Variants in SLC24A2 observed in about 807,000 individuals in gnomAD.
SLC24A2 encodes sodium/potassium/calcium exchanger 2.
SLC24A2 carries 36 observed loss-of-function variants against 62.0 expected under a neutral mutation model. That is an observed-to-expected ratio of 0.58 (90% confidence interval 0.44 to 0.77). The LOEUF (loss-of-function observed/expected upper bound fraction) is 0.77. Ranked by LOEUF, SLC24A2 falls within the 30% of genes least tolerant of loss-of-function variation. SLC24A2 has a pLI of 0.00. For synonymous variants in SLC24A2, 358 were observed against 294.0 expected, an observed-to-expected ratio of 1.22 and a Z score of -2.23; for missense variants, 846 against 817.9, an observed-to-expected ratio of 1.03 and a Z score of -0.42.
chr9:20,192,619 G>C, the SLC24A2 span, among the ~76,000 whole-genome samples: 1 of 152,114 alleles, frequency 6.6e-6, no homozygotes, highest in Non-Finnish European at 1.5e-5. Flanking sequence ...GTTCAACTGG[G>C]ATTAAGAACT....
chr9:19,763,968 T>TG (rs1193550511), intron 2 of SLC24A2, among the ~76,000 whole-genome samples: 2 of 152,210 alleles, frequency 1.3e-5, no homozygotes, highest in Non-Finnish European at 2.9e-5. Context: ...GGCAGGCTAT[T>TG]AATTATTGCC....
intron 2 of SLC24A2, among the ~76,000 whole-genome samples, chr9:19,745,254 C>A (rs1395624634): frequency 6.6e-6 from 1 of 152,152 alleles, no homozygotes; most frequent in Admixed American, 6.6e-5. Flanking sequence ...TGCCATACTT[C>A]TTGTACAGCT....
At chr9:19,796,924 T>A in the SLC24A2 span, among the ~76,000 whole-genome samples, 1 of 152,144 alleles carries the variant, frequency 6.6e-6, no homozygotes, top group Non-Finnish European at 1.5e-5. Context: ...ATTTAAAAAA[T>A]TTTTCTTCTC....
chr9:20,088,856 G>T, the SLC24A2 span, among the ~76,000 whole-genome samples: 3 of 152,194 alleles, frequency 2.0e-5, no homozygotes, highest in African/African-American at 7.2e-5. Context: ...AGAGGGAGAG[G>T]CAGGCTACCA....
chr9:19,741,193 C>T (rs1434540626), intron 2 of SLC24A2, among the ~76,000 whole-genome samples: 1 of 152,096 alleles, frequency 6.6e-6, no homozygotes, highest in Non-Finnish European at 1.5e-5. Flanking sequence ...GACTCCAAAC[C>T]CACTCTTGTA....
At chr9:19,580,266 C>G (rs1044873823) in intron 5 of SLC24A2, among the ~76,000 whole-genome samples, 11 of 152,216 alleles carry the variant, frequency 7.2e-5, no homozygotes, top group African/African-American at 2.7e-4. Context: ...TAAGCGCTGA[C>G]AATGGCTGCG....
chr9:19,877,966 G>C, the SLC24A2 span, among the ~76,000 whole-genome samples: 2 of 151,994 alleles, frequency 1.3e-5, no homozygotes, highest in Admixed American at 6.6e-5. Context: ...TTAAAGATGT[G>C]AATCTATGAG....
the SLC24A2 span, among the ~76,000 whole-genome samples, chr9:20,133,970 G>A: frequency 6.6e-6 from 1 of 152,102 alleles, no homozygotes; most frequent in South Asian, 2.1e-4. Context: ...CAAATAGCTG[G>A]AGGTGGCTGA....
the SLC24A2 span, among the ~76,000 whole-genome samples, chr9:20,051,210 A>T: frequency 2.3e-3 from 350 of 152,318 alleles, 1 homozygote; most frequent in African/African-American, 7.8e-3. Flanking sequence ...CGCTAATCAA[A>T]ATAATAACAA....
chr9:19,894,562 A>G, the SLC24A2 span, among the ~76,000 whole-genome samples: 1 of 152,168 alleles, frequency 6.6e-6, no homozygotes, highest in East Asian at 1.9e-4. Context: ...TTCAACAAAT[A>G]TATGTTTATT....
At chr9:19,983,878 G>C in the SLC24A2 span, among the ~76,000 whole-genome samples, 1 of 152,068 alleles carries the variant, frequency 6.6e-6, no homozygotes, top group African/African-American at 2.4e-5. Flanking sequence ...AACATAAATG[G>C]AAAGACATTC....
chr9:19,783,102 C>T (rs1823061663), intron 2 of SLC24A2, among the ~76,000 whole-genome samples: 1 of 152,148 alleles, frequency 6.6e-6, no homozygotes, highest in Non-Finnish European at 1.5e-5. Context: ...TTTTTCCATG[C>T]TTCACAGTTA....
chr9:20,094,879 AT>A, the SLC24A2 span, among the ~76,000 whole-genome samples: 1 of 152,178 alleles, frequency 6.6e-6, no homozygotes, highest in Non-Finnish European at 1.5e-5. Context: ...ATGAAAAGTT[AT>A]TTAATATTTC....
upstream of SLC24A2, among the ~76,000 whole-genome samples, chr9:19,792,529 A>G (rs1243630713): frequency 8.5e-6 from 1 of 117,420 alleles, no homozygotes; most frequent in Non-Finnish European, 1.8e-5. Flanking sequence ...TGTCTCTACT[A>G]AAAATACAAA....
At chr9:20,205,252 C>T in the SLC24A2 span, among the ~76,000 whole-genome samples, 1 of 151,840 alleles carries the variant, frequency 6.6e-6, no homozygotes, top group Admixed American at 6.6e-5. Flanking sequence ...GTTTTTTTTC[C>T]TGGATGTCTT....
chr9:19,648,686 C>A (rs1818711191), intron 2 of SLC24A2, among the ~76,000 whole-genome samples: 1 of 152,148 alleles, frequency 6.6e-6, no homozygotes, highest in Non-Finnish European at 1.5e-5. Context: ...GAGGTAAACA[C>A]TGATTTACTG....
chr9:20,250,616 T>A, the SLC24A2 span, among the ~76,000 whole-genome samples: 1 of 152,182 alleles, frequency 6.6e-6, no homozygotes, highest in Non-Finnish European at 1.5e-5. Context: ...CATGCACGCC[T>A]CATGTGAGTG....
At chr9:20,079,483 C>T in the SLC24A2 span, among the ~76,000 whole-genome samples, 1 of 152,172 alleles carries the variant, frequency 6.6e-6, no homozygotes, top group South Asian at 2.1e-4. Context: ...TTTGTTTTCC[C>T]ACTTATTTTT....
chr9:20,231,166 G>A, the SLC24A2 span, among the ~76,000 whole-genome samples: 68,392 of 151,940 alleles, frequency 0.45, 17,809 homozygotes, highest in East Asian at 0.88. Flanking sequence ...GTCAGGTAGC[G>A]TGATGCCTCC....
Sources: gnomAD v4.1 joint callset for allele counts (sites outside exome capture counted in the v4.1 genomes callset) on GRCh38, gnomAD v4.1.1 for gene constraint, MANE v1.5 for transcripts, NCBI Gene and HGNC (gene_info 2026-07-23, HGNC 2026-07-21) for gene names.